The following CCDC178 variants were observed in gnomAD, a reference collection of about 807,000 sequenced individuals.
CCDC178 encodes the protein coiled-coil domain-containing protein 178.
Under a neutral mutation model 117.4 loss-of-function variants are expected in CCDC178, and 126 were observed. That is an observed-to-expected ratio of 1.07 (90% CI 0.93 to 1.24). The LOEUF (loss-of-function observed/expected upper bound fraction) is 1.24, where lower values mean the gene tolerates loss of function less well. Ranked by LOEUF, CCDC178 falls within the 50% of genes most tolerant of loss-of-function variation. The probability of loss-of-function intolerance (pLI) is 0.00; values close to 1 mark genes in which losing one functional copy is unlikely to be tolerated. For synonymous variants in CCDC178, 283 were observed against 313.4 expected (o/e 0.90, Z 1.02); for missense variants, 1,030 against 986.9 (o/e 1.04, Z -0.59).
At chr18:33,139,150 A>G (rs1312514239) in intron 20 of CCDC178, among the ~76,000 whole-genome samples, 2 of 152,206 alleles carry the variant, frequency 1.3e-5, no homozygotes, top group Non-Finnish European at 2.9e-5. Flanking sequence ...GCCTGCTGCC[A>G]TCCATGTAAG....
intron 20 of CCDC178, among the ~76,000 whole-genome samples, chr18:33,199,736 A>C (rs1343135746): frequency 6.6e-6 from 1 of 152,144 alleles, no homozygotes; most frequent in Non-Finnish European, 1.5e-5. Flanking sequence ...TTCCTGTATT[A>C]TTAAAGATTT....
At chr18:33,114,612 A>G (rs2057827772) in intron 20 of CCDC178, among the ~76,000 whole-genome samples, 1 of 152,122 alleles carries the variant, frequency 6.6e-6, no homozygotes, top group South Asian at 2.1e-4. Flanking sequence ...TCTTTTTCAC[A>G]TTCAATTATC....
chr18:33,265,641 G>A (rs1032967286), intron 14 of CCDC178, among the ~76,000 whole-genome samples: 1 of 151,996 alleles, frequency 6.6e-6, no homozygotes, highest in African/African-American at 2.4e-5. Flanking sequence ...GGAAGAATAT[G>A]AGACTGTAGA....
At chr18:33,172,790 C>A (rs1201307803) in intron 20 of CCDC178, among the ~76,000 whole-genome samples, 1 of 152,120 alleles carries the variant, frequency 6.6e-6, no homozygotes, top group African/African-American at 2.4e-5. Context: ...CATGCTGCTT[C>A]CAAATTGTTC....
chr18:32,938,122 A>T (rs376119100), intron 22 of CCDC178, 31 bp from the exon 23 acceptor site: 4 of 1,396,598 alleles, frequency 2.9e-6, no homozygotes, highest in Non-Finnish European at 4.1e-6. Context: ...AACAAAATCA[A>T]TAAGTACTCA....
At chr18:33,268,879 C>A (rs1012643844) in intron 12 of CCDC178, among the ~76,000 whole-genome samples, 1 of 151,754 alleles carries the variant, frequency 6.6e-6, no homozygotes, top group Admixed American at 6.6e-5. Flanking sequence ...CTAGGGAGCA[C>A]TGATTTAATA....
intron 12 of CCDC178, among the ~76,000 whole-genome samples, chr18:33,286,488 TTCTC>T (rs2060100446): frequency 6.6e-6 from 1 of 152,206 alleles, no homozygotes; most frequent in Non-Finnish European, 1.5e-5. Context: ...TAACTATTCT[TTCTC>T]TATTTTTGAG....
chr18:33,370,645 C>T (rs2063285512), intron 5 of CCDC178, among the ~76,000 whole-genome samples: 2 of 151,926 alleles, frequency 1.3e-5, no homozygotes, highest in African/African-American at 4.8e-5. Flanking sequence ...TGAAGTTCTT[C>T]CTTAAATCCA....
chr18:33,232,310 A>G (rs1409055191), intron 15 of CCDC178, among the ~76,000 whole-genome samples: 1 of 152,194 alleles, frequency 6.6e-6, no homozygotes, highest in East Asian at 1.9e-4. Context: ...GAGTCCGGAA[A>G]CCCACATTCA....
At chr18:33,377,603 C>G (rs1455546673) in intron 5 of CCDC178, among the ~76,000 whole-genome samples, 2 of 152,106 alleles carry the variant, frequency 1.3e-5, no homozygotes, top group Admixed American at 1.3e-4. Flanking sequence ...AATCATTAGT[C>G]TATTTTAAGT....
At chr18:33,080,770 T>C (rs1193782001) in intron 21 of CCDC178, among the ~76,000 whole-genome samples, 4 of 152,166 alleles carry the variant, frequency 2.6e-5, no homozygotes, top group Non-Finnish European at 4.4e-5. Flanking sequence ...AAAATGATAA[T>C]GATATCTGTA....
intron 18 of CCDC178, among the ~76,000 whole-genome samples, chr18:33,215,940 T>A (rs1272161260): frequency 6.6e-6 from 1 of 151,850 alleles, no homozygotes; most frequent in East Asian, 1.9e-4. Flanking sequence ...CTACCCAAAA[T>A]TTTTTTAAAT....
chr18:33,376,910 C>A (rs901879950), intron 5 of CCDC178, among the ~76,000 whole-genome samples: 2 of 152,182 alleles, frequency 1.3e-5, no homozygotes, highest in African/African-American at 4.8e-5. Context: ...CTGTGATGAA[C>A]AAATGAGTGC....
chr18:33,005,961 C>T (rs1216213709), intron 21 of CCDC178, among the ~76,000 whole-genome samples: 1 of 151,944 alleles, frequency 6.6e-6, no homozygotes, highest in East Asian at 1.9e-4. Flanking sequence ...AAATGGAAGA[C>T]TTAACTATTT....
At chr18:33,316,394 G>C (rs763948090) in intron 11 of CCDC178, among the ~76,000 whole-genome samples, 6 of 152,156 alleles carry the variant, frequency 3.9e-5, no homozygotes, top group East Asian at 1.9e-4. Context: ...ATTTCTCCCC[G>C]GGCCTTAGCT....
intron 20 of CCDC178, among the ~76,000 whole-genome samples, chr18:33,182,478 A>T (rs1261339038): frequency 6.6e-6 from 1 of 151,974 alleles, no homozygotes; most frequent in Admixed American, 6.6e-5. Context: ...TATACTTGTA[A>T]TAACATTTTT....
At chr18:33,413,440 T>C (rs1219007285) in intron 2 of CCDC178, among the ~76,000 whole-genome samples, 3 of 152,074 alleles carry the variant, frequency 2.0e-5, no homozygotes, top group African/African-American at 7.2e-5. Context: ...ACATATAATT[T>C]TATTTCTTCT....
intron 20 of CCDC178, among the ~76,000 whole-genome samples, chr18:33,189,625 CT>C (rs1431407066): frequency 2.6e-5 from 4 of 152,050 alleles, no homozygotes; most frequent in African/African-American, 9.7e-5. Flanking sequence ...AATTGGCATA[CT>C]TTTGTTGTAT....
chr18:32,976,384 A>C (rs2055028302), intron 21 of CCDC178, among the ~76,000 whole-genome samples: 1 of 152,140 alleles, frequency 6.6e-6, no homozygotes, highest in African/African-American at 2.4e-5. Flanking sequence ...GTTCAGGGAC[A>C]GGAGAAGGGT....
Sources: gnomAD v4.1 joint callset for allele counts (sites outside exome capture counted in the v4.1 genomes callset) on GRCh38, gnomAD v4.1.1 for gene constraint, MANE v1.5 for transcripts, NCBI Gene and HGNC (gene_info 2026-07-23, HGNC 2026-07-21) for gene names.